Variants in AGBL1 observed in about 807,000 individuals in gnomAD.
The protein encoded by AGBL1 is cytosolic carboxypeptidase 4.
A neutral mutation model predicts 118.9 loss-of-function variants in AGBL1; 130 were observed. The observed-to-expected ratio is 1.09, with a 90% CI of 0.95 to 1.26. The LOEUF (loss-of-function observed/expected upper bound fraction) is 1.26, where lower values mean the gene tolerates loss of function less well. Ranked by LOEUF, AGBL1 falls within the 50% of genes most tolerant of loss-of-function variation. The pLI is 0.00. For synonymous variants in AGBL1, 555 were observed against 478.9 expected, an observed-to-expected ratio of 1.16 and a Z score of -2.08; for missense variants, 1,584 against 1,298.1, an observed-to-expected ratio of 1.22 and a Z score of -3.38.
At chr15:86,159,840 TA>T (rs1187696365) in intron 5 of AGBL1, among the ~76,000 whole-genome samples, 1 of 152,126 alleles carries the variant, frequency 6.6e-6, no homozygotes, top group Non-Finnish European at 1.5e-5. Context: ...TCCACCTGAT[TA>T]TTTTTCTCTT....
intron 23 of AGBL1, among the ~76,000 whole-genome samples, chr15:86,947,910 T>C (rs2141665639): frequency 6.6e-6 from 1 of 152,362 alleles, no homozygotes; most frequent in East Asian, 1.9e-4. Context: ...GCTATACTGG[T>C]GATAACGGAC....
At chr15:86,363,839 C>A (rs184814440) in intron 17 of AGBL1, among the ~76,000 whole-genome samples, 1 of 152,166 alleles carries the variant, frequency 6.6e-6, no homozygotes, top group Admixed American at 6.5e-5. Flanking sequence ...CCCCCTGCCC[C>A]ACTCAGCTCT....
chr15:86,543,175 C>T (rs1428669722), intron 19 of AGBL1, among the ~76,000 whole-genome samples: 1 of 148,376 alleles, frequency 6.7e-6, no homozygotes, highest in Non-Finnish European at 1.5e-5. Context: ...TATTCATGCC[C>T]CTTAAAAGTA....
chr15:86,173,978 G>A (rs1597493264), intron 5 of AGBL1, among the ~76,000 whole-genome samples: 1 of 152,098 alleles, frequency 6.6e-6, no homozygotes, highest in East Asian at 1.9e-4. Context: ...TTTCTGTGAA[G>A]GATGTCATTG....
intron 19 of AGBL1, among the ~76,000 whole-genome samples, chr15:86,533,856 G>T (rs200921237): frequency 5.3e-5 from 4 of 75,682 alleles, no homozygotes; most frequent in Admixed American, 5.0e-4. Context: ...GTAAACTATC[G>T]CAAGAACAAA....
At chr15:86,976,894 T>C (rs2081181506) in intron 23 of AGBL1, among the ~76,000 whole-genome samples, 1 of 152,062 alleles carries the variant, frequency 6.6e-6, no homozygotes, top group Non-Finnish European at 1.5e-5. Flanking sequence ...CTCAAGTTGT[T>C]TGTCTTCTTA....
rs374704600 is a variant in AGBL1 at position 86,613,167 on chromosome 15, T to C, written c.2994+58630T>C. On this transcript the variant is annotated intron_variant, in intron 21 of 22. Transcript: ENST00000614907. This position sits in a 1 kb window ranked among gnomAD's most constrained non-coding sequence, Gnocchi z 4.2. ...TGGCAAAATAAATCTCTAAATTGAT[T>C]AAGACTTGTCTCAGATACTTTTTGG... Among the ~76,000 whole-genome samples, 2 of 152,194 alleles carry C rather than the reference T, an allele frequency of 1.3e-5. No homozygotes were observed. Among genetic ancestry groups the C allele is most frequent in the African/African-American group, 4.8e-5 (2 of 41,438 alleles).
intron 21 of AGBL1, among the ~76,000 whole-genome samples, chr15:86,640,964 GGTT>G (rs2085179913): frequency 5.5e-5 from 2 of 36,500 alleles, no homozygotes; most frequent in African/African-American, 7.2e-5. Flanking sequence ...TAATTACTGA[GGTT>G]GATTTTTTTT....
chr15:86,933,028 T>A (rs1034171655), intron 23 of AGBL1: 2 of 152,198 alleles, frequency 1.3e-5, no homozygotes, highest in African/African-American at 4.8e-5. Flanking sequence ...GAATAAATAA[T>A]AATAGAATTT....
At chr15:86,234,953 T>C (rs191894713) in intron 6 of AGBL1, among the ~76,000 whole-genome samples, 295 of 152,350 alleles carry the variant, frequency 1.9e-3, no homozygotes, top group African/African-American at 6.6e-3. Context: ...TGGTTGTTTT[T>C]AGAGTCTGTC....
intron 21 of AGBL1, among the ~76,000 whole-genome samples, chr15:86,557,703 C>CT (rs2083753941): frequency 6.6e-6 from 1 of 152,172 alleles, no homozygotes; most frequent in Non-Finnish European, 1.5e-5. Flanking sequence ...AAATCCACCT[C>CT]ATCATCGTGG....
intron 22 of AGBL1, among the ~76,000 whole-genome samples, chr15:86,867,262 G>A (rs544080704): frequency 6.6e-6 from 1 of 152,116 alleles, no homozygotes; most frequent in African/African-American, 2.4e-5. Flanking sequence ...TACCCACGTT[G>A]GTCACAGCAT....
At chr15:86,244,648 A>AT (rs1330357087) in intron 6 of AGBL1, among the ~76,000 whole-genome samples, 2 of 151,970 alleles carry the variant, frequency 1.3e-5, no homozygotes, top group East Asian at 1.9e-4. Context: ...AAAATTAAAG[A>AT]TTTTTTTTCA....
chr15:86,791,752 T>A (rs1051316716), intron 22 of AGBL1, among the ~76,000 whole-genome samples: 2 of 127,654 alleles, frequency 1.6e-5, no homozygotes, highest in Non-Finnish European at 3.4e-5. Context: ...ATATATATAT[T>A]TTGAGACAGA....
chr15:86,636,514 A>G (rs2085088370), intron 21 of AGBL1, among the ~76,000 whole-genome samples: 1 of 149,600 alleles, frequency 6.7e-6, no homozygotes, highest in Non-Finnish European at 1.5e-5. Flanking sequence ...TTTCTGGAAC[A>G]TCTCCTACAT....
At chr15:86,758,844 A>C (rs960448168) in intron 22 of AGBL1, among the ~76,000 whole-genome samples, 3 of 151,604 alleles carry the variant, frequency 2.0e-5, no homozygotes, top group Admixed American at 2.0e-4. Flanking sequence ...ATGGTGGTAC[A>C]TGCCTGGAGT....
chr15:86,998,240 A>G (rs918267645), intron 24 of AGBL1, among the ~76,000 whole-genome samples: 2 of 152,198 alleles, frequency 1.3e-5, no homozygotes, highest in African/African-American at 4.8e-5. Context: ...GTGACTGGAT[A>G]CAAAAGACTG....
chr15:86,912,196 G>C lies in AGBL1; in HGVS notation c.*4902G>C, dbSNP rs146809829. 6.6e-5 allele frequency: 10 copies of C among 152,314 alleles called. No individual in the cohort carries two copies. Among genetic ancestry groups the C allele is most frequent in the Non-Finnish European group, 1.2e-4 (8 of 68,034 alleles). The allele number at this position is 152,314 out of a possible 1,614,324, so 9.4% of individuals were successfully genotyped here. On this transcript the variant is annotated 3_prime_UTR_variant, in exon 23 of 23. Transcript: ENST00000614907. ...TTCACTAAAAGGACGTGTAGCACAA[G>C]TGCAGCCTGGCCTCTCAAGCTGGTG...
intron 22 of AGBL1, among the ~76,000 whole-genome samples, chr15:86,757,384 T>C (rs961347290): frequency 1.5e-4 from 23 of 152,220 alleles, no homozygotes; most frequent in African/African-American, 5.5e-4. Flanking sequence ...ATCACTTTCT[T>C]AGCTATCAAC....
Sources: gnomAD v4.1 joint callset for allele counts (sites outside exome capture counted in the v4.1 genomes callset) on GRCh38, gnomAD v4.1.1 for gene constraint, Gnocchi (gnomAD v3.1) non-coding constraint, MANE v1.5 for transcripts, NCBI Gene and HGNC (gene_info 2026-07-23, HGNC 2026-07-21) for gene names.